RAI14: variants seen among roughly 807,000 people sequenced by gnomAD.
RAI14 encodes ankycorbin.
In RAI14, 45 loss-of-function variants were observed where a neutral mutation model predicts 115.4. That is an observed-to-expected ratio of 0.39 (90% CI 0.31 to 0.50). The LOEUF is 0.50. Among genes scored for constraint, RAI14 ranks in the 20% least tolerant of loss-of-function variants. The probability of loss-of-function intolerance (pLI) is 0.85; values close to 1 mark genes in which losing one functional copy is unlikely to be tolerated. For missense variants in RAI14, 939 were observed against 1,131.2 expected (o/e 0.83, Z 2.44); for synonymous variants, 371 against 415.4 (o/e 0.89, Z 1.30).
At chr5:34,685,297 C>G (rs1208269826) in intron 1 of RAI14, among the ~76,000 whole-genome samples, 1 of 152,010 alleles carries the variant, frequency 6.6e-6, no homozygotes, top group Non-Finnish European at 1.5e-5. Flanking sequence ...AGTTGTAAAA[C>G]TGTATAGGGC....
At position 34,811,834 on chromosome 5, in the gene RAI14, G is replaced by A. The variant is rs759126313; in HGVS notation, c.625G>A (p.Ala209Thr). The A allele has an allele frequency of 1.9e-6, 3 of 1,613,220 alleles. No homozygotes were observed. In the South Asian group the frequency reaches 3.3e-5, roughly 18 times the overall value. The part of the protein sequence containing the change: ...NAVEALIKKG[A>T]DLNLVDSLGY... ...TGTGGAAGCCTTAATTAAAAAGGGTGCAGACCTAAACCTTGTAGATTCTCT... is the reference window on the plus strand; with the variant it reads ...TGTGGAAGCCTTAATTAAAAAGGGTACAGACCTAAACCTTGTAGATTCTCT... Residue 209 changes from alanine (A) to threonine (T), a missense_variant, in exon 9 of 18, where the codon GCA becomes ACA. Transcript: ENST00000265109.
chr5:34,749,662 C>T (rs947186313), intron 2 of RAI14, among the ~76,000 whole-genome samples: 1 of 152,202 alleles, frequency 6.6e-6, no homozygotes, highest in Non-Finnish European at 1.5e-5. Flanking sequence ...GGAAACTTAC[C>T]GGCCAGCCAA....
chr5:34,793,114 G>T (rs1753119589), intron 3 of RAI14, among the ~76,000 whole-genome samples: 1 of 152,216 alleles, frequency 6.6e-6, no homozygotes, highest in Non-Finnish European at 1.5e-5. Context: ...AATTTAGGTT[G>T]ATATCAGGGA....
At chr5:34,696,262 T>G (rs1739219731) in intron 2 of RAI14, among the ~76,000 whole-genome samples, 1 of 152,120 alleles carries the variant, frequency 6.6e-6, no homozygotes, top group South Asian at 2.1e-4. Flanking sequence ...CCTCAGCCTC[T>G]GAGTAGCTGG....
At chr5:34,675,945 T>G (rs963972983) in intron 1 of RAI14, among the ~76,000 whole-genome samples, 2 of 152,358 alleles carry the variant, frequency 1.3e-5, no homozygotes, top group South Asian at 4.1e-4. Flanking sequence ...CAAACATTTC[T>G]GTTTTACTTT....
chr5:34,758,388 G>T (rs1748179858), intron 3 of RAI14, among the ~76,000 whole-genome samples: 2 of 152,152 alleles, frequency 1.3e-5, no homozygotes, highest in Non-Finnish European at 2.9e-5. Flanking sequence ...TCAAATGATG[G>T]TTATTGTGTA....
At chr5:34,743,201 C>T (rs1043651647) in intron 2 of RAI14, among the ~76,000 whole-genome samples, 4 of 152,164 alleles carry the variant, frequency 2.6e-5, no homozygotes, top group African/African-American at 7.2e-5. Flanking sequence ...GGATGCCTCT[C>T]GCAGTTCAAG....
intron 3 of RAI14, among the ~76,000 whole-genome samples, chr5:34,782,823 G>A (rs1254432621): frequency 6.6e-6 from 1 of 152,146 alleles, no homozygotes; most frequent in Admixed American, 6.5e-5. Context: ...ACTGAGAGGT[G>A]CAATTCAAGC....
At chr5:34,801,977 T>C (rs1021759932) in intron 4 of RAI14, among the ~76,000 whole-genome samples, 1 of 151,996 alleles carries the variant, frequency 6.6e-6, no homozygotes, top group African/African-American at 2.4e-5. Context: ...GGTGGGAGGA[T>C]CACTTGACAT....
chr5:34,766,394 C>T (rs1292677229), intron 3 of RAI14, among the ~76,000 whole-genome samples: 2 of 152,150 alleles, frequency 1.3e-5, no homozygotes, highest in African/African-American at 2.4e-5. Context: ...CATGGGAGCC[C>T]ACCTCTTGCA....
chr5:34,795,908 T>C (rs377184217), intron 3 of RAI14, 31 bp from the exon 4 acceptor site: 1 of 1,567,270 alleles, frequency 6.4e-7, no homozygotes, highest in African/African-American at 1.4e-5. Context: ...AGTAGAAATC[T>C]CAAGGAGATT....
chr5:34,727,672 G>A (rs1009469365), intron 2 of RAI14, among the ~76,000 whole-genome samples: 1 of 152,218 alleles, frequency 6.6e-6, no homozygotes. Flanking sequence ...TGTGGCTTCA[G>A]AGGGTGCAAG....
chr5:34,680,519 A>C (rs1417584208), intron 1 of RAI14, among the ~76,000 whole-genome samples: 1 of 152,228 alleles, frequency 6.6e-6, no homozygotes, highest in East Asian at 1.9e-4. Flanking sequence ...TTCATCCCTT[A>C]ATACTATTAC....
At chr5:34,710,805 A>G (rs552051852) in intron 2 of RAI14, among the ~76,000 whole-genome samples, 1 of 152,230 alleles carries the variant, frequency 6.6e-6, no homozygotes, top group African/African-American at 2.4e-5. Context: ...ACTTCTGCTC[A>G]GCATGCCAAG....
intron 2 of RAI14, among the ~76,000 whole-genome samples, chr5:34,752,743 G>GTATATATA (rs1470753966): frequency 4.6e-4 from 46 of 100,894 alleles, no homozygotes; most frequent in African/African-American, 1.7e-3. Flanking sequence ...GTGTGTGTGT[G>GTATATATA]TGTGTGTATA....
chr5:34,785,739 A>G (rs2150175370), intron 3 of RAI14, among the ~76,000 whole-genome samples: 1 of 152,186 alleles, frequency 6.6e-6, no homozygotes, highest in East Asian at 1.9e-4. Flanking sequence ...TGCCTTCTTT[A>G]TTTGTGCTTC....
At chr5:34,682,776 T>C (rs1006016909) in intron 1 of RAI14, among the ~76,000 whole-genome samples, 1 of 152,238 alleles carries the variant, frequency 6.6e-6, no homozygotes, top group African/African-American at 2.4e-5. Context: ...CAGAGAACTT[T>C]TTCCATAGAT....
chr5:34,770,246 G>A (rs1183549361), intron 3 of RAI14, among the ~76,000 whole-genome samples: 3 of 152,258 alleles, frequency 2.0e-5, no homozygotes, highest in East Asian at 1.9e-4. Context: ...AAGCAAAATC[G>A]AGCTCATGTC....
At chr5:34,746,208 C>T (rs935951591) in intron 2 of RAI14, among the ~76,000 whole-genome samples, 1 of 151,312 alleles carries the variant, frequency 6.6e-6, no homozygotes, top group Non-Finnish European at 1.5e-5. Context: ...CGGGTTCACG[C>T]CATTCTCCTG....
Sources: gnomAD v4.1 joint callset for allele counts (sites outside exome capture counted in the v4.1 genomes callset) on GRCh38, gnomAD v4.1.1 for gene constraint, MANE v1.5 for transcripts, NCBI Gene and HGNC (gene_info 2026-07-23, HGNC 2026-07-21) for gene names.